COL22A1: variants seen among roughly 807,000 people sequenced by gnomAD.
COL22A1 encodes collagen alpha-1(XXII) chain.
A neutral mutation model predicts 248.9 loss-of-function variants in COL22A1; 221 were observed. The ratio of observed to expected loss-of-function variants is 0.89; its 90% CI spans 0.80 to 0.99. The LOEUF (loss-of-function observed/expected upper bound fraction) is 0.99, where lower values mean the gene tolerates loss of function less well. Ranked by LOEUF, COL22A1 falls within the 50% of genes least tolerant of loss-of-function variation. The probability of loss-of-function intolerance (pLI) is 0.00; values close to 1 mark genes in which losing one functional copy is unlikely to be tolerated. For missense variants in COL22A1, 2,240 were observed against 2,179.0 expected (o/e 1.03, Z -0.56); for synonymous variants, 891 against 793.4 (o/e 1.12, Z -2.07).
intron 45 of COL22A1, among the ~76,000 whole-genome samples, chr8:138,655,444 T>C (rs76365214): frequency 0.015 from 2,350 of 152,304 alleles, 57 homozygotes; most frequent in African/African-American, 0.054. Flanking sequence ...CTGCAGCCTC[T>C]ACCTCCCGGG....
chr8:138,687,573 T>C (rs1487879259), intron 37 of COL22A1, among the ~76,000 whole-genome samples: 2 of 152,210 alleles, frequency 1.3e-5, no homozygotes, highest in African/African-American at 2.4e-5. Flanking sequence ...TCTCTTCCTG[T>C]CCATGGATAC....
intron 16 of COL22A1, among the ~76,000 whole-genome samples, chr8:138,771,347 C>T (rs992999600): frequency 2.6e-5 from 4 of 152,210 alleles, no homozygotes; most frequent in African/African-American, 7.2e-5. Context: ...GATGGGAAGG[C>T]CCAAACCAGA....
At chr8:138,760,091 G>A (rs1833331631) in intron 18 of COL22A1, 152 bp downstream of exon 18, 1 of 462,330 alleles carries the variant, frequency 2.2e-6, no homozygotes, top group African/African-American at 2.0e-5. Flanking sequence ...TCTTATGTGA[G>A]TTCCTGATGC....
intron 30 of COL22A1, among the ~76,000 whole-genome samples, chr8:138,709,319 C>T (rs1021501857): frequency 1.3e-5 from 2 of 152,098 alleles, no homozygotes; most frequent in African/African-American, 2.4e-5. Flanking sequence ...AATCATGCTG[C>T]TATAAAGACA....
intron 17 of COL22A1, among the ~76,000 whole-genome samples, chr8:138,760,639 G>A (rs1833398079): frequency 6.6e-6 from 1 of 152,162 alleles, no homozygotes; most frequent in Non-Finnish European, 1.5e-5. Context: ...AGCATAGAAG[G>A]TGGAGTCTGG....
At chr8:138,897,746 G>A (rs1033633252) in intron 1 of COL22A1, among the ~76,000 whole-genome samples, 8 of 151,384 alleles carry the variant, frequency 5.3e-5, no homozygotes, top group African/African-American at 1.9e-4. Context: ...TTCAACAGAT[G>A]AGTAAGCTGA....
In COL22A1 at chr8:138,811,896, G is replaced by A; in HGVS notation, c.1352C>T (p.Pro451Leu). ...CCGCTGGGGTGGGGGTGGAGGTGGAGGCTCTGTCACCACGGTCACCTGGCA... is the reference window on the plus strand; with the variant it reads ...CCGCTGGGGTGGGGGTGGAGGTGGAAGCTCTGTCACCACGGTCACCTGGCA... ...GPCQVTVVTE[P>L]PPPPPPQRPP... Residue 451 changes from proline (P) to leucine (L), a missense_variant, in exon 9 of 65, where the codon CCT becomes CTT. Coordinates refer to ENST00000303045, the MANE Select transcript of COL22A1 (RefSeq NM_152888.3). 2 of 1,561,930 alleles carry A rather than the reference G, an allele frequency of 1.3e-6. No individual in the cohort carries two copies. The highest frequency in any genetic ancestry group is 1.7e-6 in the Non-Finnish European group (2 of 1,154,668).
At chr8:138,813,339 A>G (rs910697130) in intron 7 of COL22A1, among the ~76,000 whole-genome samples, 7 of 152,072 alleles carry the variant, frequency 4.6e-5, no homozygotes, top group Admixed American at 1.3e-4. Context: ...TTTCCCCCAT[A>G]CTGTTCTCAT....
intron 16 of COL22A1, among the ~76,000 whole-genome samples, chr8:138,767,860 T>C (rs140680018): frequency 6.6e-6 from 1 of 152,366 alleles, no homozygotes; most frequent in African/African-American, 2.4e-5. Flanking sequence ...GAAACCTCGC[T>C]GCTGATCAGC....
At chr8:138,709,399 C>T (rs1828757163) in intron 30 of COL22A1, among the ~76,000 whole-genome samples, 1 of 152,004 alleles carries the variant, frequency 6.6e-6, no homozygotes, top group Non-Finnish European at 1.5e-5. Flanking sequence ...AAATGTCCAT[C>T]AATGATAGAC....
At chr8:138,882,309 C>T (rs1563882729) in intron 2 of COL22A1, among the ~76,000 whole-genome samples, 2 of 150,390 alleles carry the variant, frequency 1.3e-5, no homozygotes, top group African/African-American at 5.0e-5. Context: ...GACATTGCCA[C>T]ACATATTCAC....
chr8:138,830,814 G>A (rs1291221568), intron 5 of COL22A1, among the ~76,000 whole-genome samples: 1 of 152,126 alleles, frequency 6.6e-6, no homozygotes, highest in Non-Finnish European at 1.5e-5. Flanking sequence ...AGTGGAATAG[G>A]TGGTGAATTG....
intron 1 of COL22A1, among the ~76,000 whole-genome samples, chr8:138,909,545 T>G (rs1163111475): frequency 6.6e-6 from 1 of 151,258 alleles, no homozygotes; most frequent in African/African-American, 2.5e-5. Context: ...ATGGTATCAA[T>G]TCTGATTTTT....
intron 32 of COL22A1, 39 bp downstream of exon 32, chr8:138,700,073 G>A (rs201172733): frequency 3.6e-5 from 57 of 1,604,458 alleles, no homozygotes; most frequent in African/African-American, 9.3e-5. Context: ...CCTCCAGGCC[G>A]AGGCACACTG....
chr8:138,693,214 CTG>C (rs1406458669), intron 35 of COL22A1, among the ~76,000 whole-genome samples: 1 of 152,012 alleles, frequency 6.6e-6, no homozygotes, highest in African/African-American at 2.4e-5. Context: ...ATAGAGGTGT[CTG>C]TATGTTTTCC....
Position 138,778,398 on chromosome 8 carries a change from T to C in COL22A1, c.1713A>G (p.Gln571=). The C allele has an allele frequency of 6.2e-7, 1 of 1,601,248 alleles. No individual in the cohort carries two copies. Among genetic ancestry groups the C allele is most frequent in the East Asian group, 2.2e-5 (1 of 44,824 alleles). ...GAGGTCCGGGGAGTCCAGGTGGTCC[T>C]TGGGGCCCCTGCAGAAGAGCATTTA... ...LPGEVGMRGP[Q]GPPGLPGPPG... Residue 571 remains glutamine, a synonymous_variant, in exon 15 of 65, where the codon CAA becomes CAG. Coordinates refer to ENST00000303045, the MANE Select transcript of COL22A1 (RefSeq NM_152888.3).
At chr8:138,814,046 A>G (rs1318957358) in intron 7 of COL22A1, among the ~76,000 whole-genome samples, 1 of 152,254 alleles carries the variant, frequency 6.6e-6, no homozygotes, top group Non-Finnish European at 1.5e-5. Flanking sequence ...ACATGCATGA[A>G]CACATTCACA....
Position 138,737,672 on chromosome 8 carries a change from T to C in COL22A1, c.2086-95A>G, listed in dbSNP as rs1831230239. 7 of 787,550 alleles carry C rather than the reference T, an allele frequency of 8.9e-6. No homozygotes were observed. In the South Asian group the frequency reaches 9.0e-5, roughly 10 times the overall value. The allele number at this position is 787,550 out of a possible 1,614,324, so 48.8% of individuals were successfully genotyped here. ...TCTCGGTGGACATTTGGGTCTTTAT[T>C]ACTCTCAACCTCCCAGATTAACAAT... On this transcript the variant is annotated intron_variant, in intron 22 of 64. Transcript: ENST00000303045.
chr8:138,589,546 G>A (rs548753881), intron 64 of COL22A1, 106 bp from the exon 65 acceptor site: 56 of 890,534 alleles, frequency 6.3e-5, no homozygotes, highest in African/African-American at 4.1e-4. Flanking sequence ...GACCTGAAAC[G>A]TCCTCAGACA....
Sources: gnomAD v4.1 joint callset for allele counts (sites outside exome capture counted in the v4.1 genomes callset) on GRCh38, gnomAD v4.1.1 for gene constraint, MANE v1.5 for transcripts, NCBI Gene and HGNC (gene_info 2026-07-23, HGNC 2026-07-21) for gene names.